ANKRD33B: variants seen among roughly 807,000 people sequenced by gnomAD.
ANKRD33B encodes ankyrin repeat domain-containing protein 33B.
In ANKRD33B, 6 loss-of-function variants were observed where a neutral mutation model predicts 21.5. The ratio of observed to expected loss-of-function variants is 0.28; its 90% CI spans 0.15 to 0.55. The LOEUF (loss-of-function observed/expected upper bound fraction) is 0.55. ANKRD33B is among the 20% of genes least tolerant of loss of function. ANKRD33B has a pLI of 0.94. For synonymous variants in ANKRD33B, 347 were observed against 342.4 expected (o/e 1.01, Z -0.15); for missense variants, 698 against 747.2 (o/e 0.93, Z 0.77).
In ANKRD33B at chr5:10,637,252, A is replaced by G. The variant is rs375679401; in HGVS notation, c.497-776A>G. On this transcript the variant is annotated intron_variant, in intron 2 of 3. Transcript: ENST00000296657. ...CATTCTCCTTATTCACCATTAACTG[A>G]GAGCACCATGGGCGTGCCTGGGAAT... Among the ~76,000 whole-genome samples, 56 of 152,312 alleles carry G rather than the reference A, an allele frequency of 3.7e-4. 1 individual carries two copies. Among genetic ancestry groups the G allele is most frequent in the African/African-American group, 1.3e-3 (56 of 41,556 alleles).
At chr5:10,611,284 G>C (rs548171692) in intron 1 of ANKRD33B, among the ~76,000 whole-genome samples, 5 of 152,276 alleles carry the variant, frequency 3.3e-5, no homozygotes, top group Admixed American at 2.0e-4. Flanking sequence ...GAAGACATGG[G>C]TGTTTATCTT....
Position 10,655,664 on chromosome 5 carries a change from T to G in ANKRD33B, c.*5551T>G, listed in dbSNP as rs1459977008. On this transcript the variant is annotated 3_prime_UTR_variant, in exon 4 of 4. Transcript: ENST00000296657. ...GTCAGCTCCTGGACACTACTAGTCT[T>G]TCACATGATAAAGCGCGAGCACTTT... The G allele has an allele frequency of 4.6e-5, 7 of 152,350 alleles. No homozygotes were observed. Among genetic ancestry groups the G allele is most frequent in the African/African-American group, 1.7e-4 (7 of 41,442 alleles). The allele number at this position is 152,350 out of a possible 1,614,324, so 9.4% of individuals were successfully genotyped here. A position where few individuals can be genotyped will look rare whatever the true frequency, so the allele number is the denominator to read the frequency against.
intron 1 of ANKRD33B, among the ~76,000 whole-genome samples, chr5:10,601,527 G>A (rs1735930338): frequency 6.6e-6 from 1 of 152,218 alleles, no homozygotes; most frequent in Admixed American, 6.5e-5. Flanking sequence ...CCTCTGGGCC[G>A]AGCCTGGCAT....
rs1032639168 is a variant in ANKRD33B at position 10,653,540 on chromosome 5, C to T, written c.*3427C>T. 2.6e-5 allele frequency: 4 copies of T among 152,426 alleles called. No homozygotes were observed. Among genetic ancestry groups the T allele is most frequent in the Admixed American group, 2.0e-4 (3 of 15,288 alleles). The allele number at this position is 152,426 out of a possible 1,614,324, so 9.4% of individuals were successfully genotyped here. ...CATACTTAAGCAACATTATTCTGTT[C>T]GTTTCTTTTGGGTAAGGAATTCCTC... On this transcript the variant is annotated 3_prime_UTR_variant, in exon 4 of 4. Coordinates refer to ENST00000296657, the MANE Select transcript of ANKRD33B (RefSeq NM_001164440.2).
At chr5:10,565,758 A>T (rs893827318) in intron 1 of ANKRD33B, among the ~76,000 whole-genome samples, 2 of 152,268 alleles carry the variant, frequency 1.3e-5, no homozygotes, top group Non-Finnish European at 2.9e-5. Context: ...ACGGTGGCCA[A>T]GTTCCCCGTA....
Position 10,587,871 on chromosome 5 carries a change from T to C in ANKRD33B, c.366+23038T>C, listed in dbSNP as rs1344364296. Among the ~76,000 whole-genome samples, 3 of 152,216 alleles carry C rather than the reference T, an allele frequency of 2.0e-5. No individual in the cohort carries two copies. The East Asian group carries it at 5.8e-4, about 29-fold the overall frequency. ...AGTAATTTTGGGTCTTTTTTGTTTC[T>C]GAAATTTTTTGTGATATAAATAATG... On this transcript the variant is annotated intron_variant, in intron 1 of 3. Coordinates refer to ENST00000296657, the MANE Select transcript of ANKRD33B (RefSeq NM_001164440.2).
At chr5:10,609,560 A>G (rs934243096) in intron 1 of ANKRD33B, among the ~76,000 whole-genome samples, 2 of 152,006 alleles carry the variant, frequency 1.3e-5, no homozygotes, top group African/African-American at 4.8e-5. Flanking sequence ...TTTCCATTAC[A>G]TTTGTGGCTC....
chr5:10,607,161 A>C (rs1354943202), intron 1 of ANKRD33B, among the ~76,000 whole-genome samples: 1 of 152,214 alleles, frequency 6.6e-6, no homozygotes, highest in African/African-American at 2.4e-5. Context: ...CTACTGTTAC[A>C]CGCACACACA....
In ANKRD33B at chr5:10,657,220, GAAAAT is replaced by G. The variant is rs1737511135; in HGVS notation, c.*7110_*7114del. ...GCCTTTGGGGCATCCGACTGAATTT[GAAAAT>G]AATACCCCATTCAGATGAACATTAA... On this transcript the variant is annotated 3_prime_UTR_variant, in exon 4 of 4. Coordinates refer to ENST00000296657, the MANE Select transcript of ANKRD33B (RefSeq NM_001164440.2). 6.6e-6 allele frequency: 1 copy of G among 152,348 alleles called. No homozygotes were observed. Among genetic ancestry groups the G allele is most frequent in the Non-Finnish European group, 1.5e-5 (1 of 68,034 alleles). 9.4% of individuals were successfully genotyped at this position (152,348 alleles called of 1,614,324 possible).
Position 10,619,379 on chromosome 5 carries a change from G to T in ANKRD33B, c.496+917G>T, listed in dbSNP as rs1481747003. On this transcript the variant is annotated intron_variant, in intron 2 of 3. Transcript: ENST00000296657. This position sits in a 1 kb window ranked among gnomAD's most constrained non-coding sequence, Gnocchi z 4.5. ...TGGAGGAAGTGCCCCCGACCACACT[G>T]TATGTTGATTCTGGTTGGGAAATGG... 1.0e-6 allele frequency: 1 copy of T among 985,296 alleles called. No homozygotes were observed. 61.0% of individuals were successfully genotyped at this position (985,296 alleles called of 1,614,324 possible). A position where few individuals can be genotyped will look rare whatever the true frequency, so the allele number is the denominator to read the frequency against.
Position 10,650,137 on chromosome 5 carries a change from GC to G in ANKRD33B, c.*26del. The stretch of plus-strand genomic sequence containing the variant: ...GAGGGCCCGTGTGCCTGGCGCTGGG[GC>G]CGGGGCTGGGGCCGGGGCGGGGCCG... On this transcript the variant is annotated 3_prime_UTR_variant, in exon 4 of 4. Transcript: ENST00000296657. 1 of 1,453,088 alleles carries G rather than the reference GC, an allele frequency of 6.9e-7. No homozygotes were observed. The highest frequency in any genetic ancestry group is 9.0e-7 in the Non-Finnish European group (1 of 1,107,400). 90.0% of individuals were successfully genotyped at this position (1,453,088 alleles called of 1,614,324 possible). A position where few individuals can be genotyped will look rare whatever the true frequency, so the allele number is the denominator to read the frequency against.
chr5:10,595,007 C>G (rs1256227931), intron 1 of ANKRD33B, among the ~76,000 whole-genome samples: 1 of 152,128 alleles, frequency 6.6e-6, no homozygotes, highest in Non-Finnish European at 1.5e-5. Context: ...TGGGCTTTTC[C>G]TATGGCAAGT....
At chr5:10,637,678 C>T (rs1174762429) in intron 2 of ANKRD33B, among the ~76,000 whole-genome samples, 1 of 152,052 alleles carries the variant, frequency 6.6e-6, no homozygotes, top group Non-Finnish European at 1.5e-5. Context: ...GTTGAGGCTT[C>T]CTGCCCTCAT....
rs757213484 is a variant in ANKRD33B at position 10,622,802 on chromosome 5, TATTTTA to T, written c.496+4341_496+4346del. ...GTTGTTTTTTGTTTTTGCTTTATTT[TATTTTA>T]TTTTTTTTTTTTTCTGGCTTGCTCA... is the stretch of plus-strand genomic sequence containing the variant. On this transcript the variant is annotated intron_variant, in intron 2 of 3. Coordinates refer to ENST00000296657, the MANE Select transcript of ANKRD33B (RefSeq NM_001164440.2). Among the ~76,000 whole-genome samples the T allele has an allele frequency of 1.6e-3, 228 of 144,228 alleles. 5 individuals are homozygous for T. The highest frequency in any genetic ancestry group is 5.7e-3 in the African/African-American group (216 of 37,926). The allele number at this position is 144,228 out of a possible 152,430, so 94.6% of individuals were successfully genotyped here.
intron 1 of ANKRD33B, among the ~76,000 whole-genome samples, chr5:10,566,978 T>A (rs1381030702): frequency 6.6e-6 from 1 of 152,274 alleles, no homozygotes; most frequent in Non-Finnish European, 1.5e-5. Context: ...TGTTTTGTTT[T>A]GTTTTTTGTC....
At chr5:10,574,434 A>G (rs1292200397) in intron 1 of ANKRD33B, among the ~76,000 whole-genome samples, 1 of 152,242 alleles carries the variant, frequency 6.6e-6, no homozygotes, top group Non-Finnish European at 1.5e-5. Context: ...AATTCTAAAT[A>G]ACTCCTAGAT....
chr5:10,610,799 C>T (rs1736153544), intron 1 of ANKRD33B, among the ~76,000 whole-genome samples: 1 of 152,178 alleles, frequency 6.6e-6, no homozygotes, highest in African/African-American at 2.4e-5. Context: ...AATCCCGGCA[C>T]TTTGGGAGGC....
At chr5:10,584,597 G>A (rs114788277) in intron 1 of ANKRD33B, among the ~76,000 whole-genome samples, 9,725 of 152,088 alleles carry the variant, frequency 0.064, 406 homozygotes, top group Middle Eastern at 0.1. Flanking sequence ...CATTAAATAA[G>A]CCTCTTGATT....
At chr5:10,588,549 G>A (rs1209892567) in intron 1 of ANKRD33B, among the ~76,000 whole-genome samples, 2 of 152,176 alleles carry the variant, frequency 1.3e-5, no homozygotes, top group East Asian at 3.8e-4. Flanking sequence ...CCTAAGGTAG[G>A]ATTAGACTTT....
Sources: gnomAD v4.1 joint callset for allele counts (sites outside exome capture counted in the v4.1 genomes callset) on GRCh38, gnomAD v4.1.1 for gene constraint, Gnocchi (gnomAD v3.1) non-coding constraint, MANE v1.5 for transcripts, NCBI Gene and HGNC (gene_info 2026-07-23, HGNC 2026-07-21) for gene names.